Variants in CHN1 observed in about 807,000 individuals in gnomAD.
CHN1 encodes N-chimaerin.
In CHN1, 37 loss-of-function variants were observed where a neutral mutation model predicts 59.5. The ratio of observed to expected loss-of-function variants is 0.62; its 90% CI spans 0.48 to 0.82. The LOEUF is 0.82. Ranked by LOEUF, CHN1 falls within the 40% of genes least tolerant of loss-of-function variation. The pLI, the probability that CHN1 is intolerant of heterozygous loss-of-function variation, is 0.00. For missense variants in CHN1, 469 were observed against 571.0 expected, an observed-to-expected ratio of 0.82 and a Z score of 1.82; for synonymous variants, 206 against 200.4, an observed-to-expected ratio of 1.03 and a Z score of -0.24.
chr2:174,879,735 A>G (rs1054815218), intron 5 of CHN1, among the ~76,000 whole-genome samples: 1 of 152,190 alleles, frequency 6.6e-6, no homozygotes, highest in African/African-American at 2.4e-5. Flanking sequence ...GAGTCCCTTT[A>G]TATTTCGGTT....
rs182046866 is a variant in CHN1 at position 174,802,845 on chromosome 2, C to T, written c.1103-1033G>A. On this transcript the variant is annotated intron_variant, in intron 11 of 12. Coordinates refer to ENST00000409900, the MANE Select transcript of CHN1 (RefSeq NM_001822.7). Reference sequence around the variant, plus strand: ...ATGAGGTCAGGAGTTTGAGACCAGCCTGGCCAACATGGTGAAACCCCGTCT... The same window carrying T: ...ATGAGGTCAGGAGTTTGAGACCAGCTTGGCCAACATGGTGAAACCCCGTCT... 5.9e-3 allele frequency among the ~76,000 whole-genome samples: 905 copies of T among 152,212 alleles called. 9 individuals are homozygous for T. The highest frequency in any genetic ancestry group is 7.7e-3 in the Non-Finnish European group (526 of 68,012).
chr2:174,987,617 G>C (rs1181676198), intron 1 of CHN1, among the ~76,000 whole-genome samples: 1 of 151,938 alleles, frequency 6.6e-6, no homozygotes, highest in African/African-American at 2.4e-5. Context: ...TGTATTTGTA[G>C]TACAGATGGG....
chr2:174,910,954 T>C (rs1019221753), intron 5 of CHN1, among the ~76,000 whole-genome samples: 1 of 145,168 alleles, frequency 6.9e-6, no homozygotes, highest in Non-Finnish European at 1.5e-5. Context: ...ATTTAAAAGA[T>C]CATTTCATAT....
At chr2:174,915,370 A>G in intron 4 of CHN1, 199 bp from the exon 5 acceptor site, 1 of 567,704 alleles carries the variant, frequency 1.8e-6, no homozygotes, top group South Asian at 2.2e-5. Flanking sequence ...TGTGGTGATA[A>G]GAACAGCACC....
intron 1 of CHN1, among the ~76,000 whole-genome samples, chr2:175,000,730 C>T (rs1214629081): frequency 1.3e-5 from 2 of 151,832 alleles, no homozygotes; most frequent in Non-Finnish European, 2.9e-5. Context: ...AGGCATGAAC[C>T]ACTGCACCCA....
intron 3 of CHN1, among the ~76,000 whole-genome samples, chr2:174,944,620 C>T (rs1689771955): frequency 6.6e-6 from 1 of 151,994 alleles, no homozygotes; most frequent in Non-Finnish European, 1.5e-5. Context: ...ACAATGAAAA[C>T]ACAATGTATG....
chr2:174,801,248 A>G (rs886714552), intron 12 of CHN1, among the ~76,000 whole-genome samples: 4 of 152,204 alleles, frequency 2.6e-5, no homozygotes, highest in African/African-American at 9.6e-5. Flanking sequence ...ATCAGTTTGC[A>G]GTGTTGGCAA....
intron 7 of CHN1, among the ~76,000 whole-genome samples, chr2:174,833,386 C>T (rs931877535): frequency 5.3e-5 from 8 of 152,194 alleles, no homozygotes; most frequent in Admixed American, 6.5e-5. Context: ...TTATTGTCTA[C>T]ATATACATAT....
intron 1 of CHN1, among the ~76,000 whole-genome samples, chr2:174,996,667 T>A (rs1691721239): frequency 6.6e-6 from 1 of 152,010 alleles, no homozygotes; most frequent in Non-Finnish European, 1.5e-5. Context: ...CTCCATGACA[T>A]CCCATCTCAC....
At chr2:174,866,736 T>C (rs553350577) in intron 6 of CHN1, among the ~76,000 whole-genome samples, 2 of 152,348 alleles carry the variant, frequency 1.3e-5, no homozygotes, top group Non-Finnish European at 2.9e-5. Flanking sequence ...AACTCTAAAG[T>C]GTAGACAAGC....
chr2:174,950,556 AAC>A (rs1689993287), intron 2 of CHN1, among the ~76,000 whole-genome samples: 1 of 151,962 alleles, frequency 6.6e-6, no homozygotes, highest in African/African-American at 2.4e-5. Context: ...CATATTTTAA[AAC>A]AAATGATAGC....
At chr2:174,985,332 C>T (rs544896200) in intron 1 of CHN1, among the ~76,000 whole-genome samples, 1 of 152,168 alleles carries the variant, frequency 6.6e-6, no homozygotes, top group East Asian at 1.9e-4. Context: ...TATTAATTGT[C>T]AAATATACAA....
At chr2:174,849,610 T>C (rs942831031) in intron 6 of CHN1, among the ~76,000 whole-genome samples, 2 of 152,190 alleles carry the variant, frequency 1.3e-5, no homozygotes, top group Non-Finnish European at 2.9e-5. Context: ...GTATCACTCA[T>C]GCTTACAATA....
chr2:174,808,396 G>A lies in CHN1; in HGVS notation c.1102+509C>T, dbSNP rs896999991. Among the ~76,000 whole-genome samples the A allele has an allele frequency of 4.6e-5, 7 of 152,336 alleles. No individual in the cohort carries two copies. In the East Asian group the frequency reaches 9.6e-4, roughly 21 times the overall value. On this transcript the variant is annotated intron_variant, in intron 11 of 12. Transcript: ENST00000409900. ...CCTCCCGGGTTCAAGCAATTCTCCT[G>A]CCTCAGCCTCCTGAGTAGCTGGGAC...
chr2:174,965,121 T>G (rs1690554032), intron 1 of CHN1, among the ~76,000 whole-genome samples: 1 of 152,094 alleles, frequency 6.6e-6, no homozygotes, highest in Admixed American at 6.5e-5. Flanking sequence ...ATTTACTGAC[T>G]GATAGGATTA....
chr2:174,950,670 C>T (rs915977429), intron 2 of CHN1, among the ~76,000 whole-genome samples: 1 of 151,900 alleles, frequency 6.6e-6, no homozygotes, highest in African/African-American at 2.4e-5. Flanking sequence ...TCACTACAAA[C>T]TCAATAATAG....
chr2:174,961,442 T>C (rs1163538885), intron 1 of CHN1, among the ~76,000 whole-genome samples: 2 of 151,280 alleles, frequency 1.3e-5, no homozygotes, highest in African/African-American at 2.4e-5. Flanking sequence ...AAATACAAAA[T>C]TAGCCGGGCA....
intron 1 of CHN1, among the ~76,000 whole-genome samples, chr2:174,977,042 T>C (rs537905427): frequency 4.6e-5 from 7 of 152,332 alleles, no homozygotes; most frequent in African/African-American, 1.2e-4. Flanking sequence ...CTTAGACACA[T>C]TGTTCACTGT....
intron 6 of CHN1, among the ~76,000 whole-genome samples, chr2:174,852,387 C>G (rs1686762915): frequency 6.6e-6 from 1 of 152,088 alleles, no homozygotes; most frequent in Non-Finnish European, 1.5e-5. Flanking sequence ...GGTGAAAGAT[C>G]TCTACAAGGA....
Sources: gnomAD v4.1 joint callset for allele counts (sites outside exome capture counted in the v4.1 genomes callset) on GRCh38, gnomAD v4.1.1 for gene constraint, MANE v1.5 for transcripts, NCBI Gene and HGNC (gene_info 2026-07-23, HGNC 2026-07-21) for gene names.